SHANK2: variants seen among roughly 807,000 people sequenced by gnomAD.
SHANK2 encodes the protein SH3 and multiple ankyrin repeat domains 2.
Under a neutral mutation model 133.7 loss-of-function variants are expected in SHANK2, and 43 were observed. The observed-to-expected ratio is 0.32, with a 90% confidence interval of 0.25 to 0.41. The LOEUF is 0.41. Among genes scored for constraint, SHANK2 ranks in the 10% least tolerant of loss-of-function variants. SHANK2 has a pLI of 1.00. For missense variants in SHANK2, 1,994 were observed against 2,235.8 expected (o/e 0.89, Z 2.18); for synonymous variants, 1,017 against 952.8 (o/e 1.07, Z -1.24).
Position 71,092,639 on chromosome 11 carries a change from T to C in SHANK2, c.745-50A>G, listed in dbSNP as rs1186853263. ...TCGTTATTGGTCTCATGACCCCTTT[T>C]GCAGAGTGAGGTGATCCAGAAAGCA... On this transcript the variant is annotated intron_variant, in intron 7 of 25. Coordinates refer to ENST00000601538, the MANE Select transcript of SHANK2 (RefSeq NM_012309.5). The C allele has an allele frequency of 5.2e-6, 8 of 1,532,722 alleles. No homozygotes were observed. The East Asian group carries it at 9.8e-5, about 19-fold the overall frequency. The allele number at this position is 1,532,722 out of a possible 1,614,324, so 94.9% of individuals were successfully genotyped here. A position where few individuals can be genotyped will look rare whatever the true frequency, so the allele number is the denominator to read the frequency against.
intron 17 of SHANK2, among the ~76,000 whole-genome samples, chr11:70,659,494 G>C (rs1419880362): frequency 6.6e-6 from 1 of 152,162 alleles, no homozygotes; most frequent in Non-Finnish European, 1.5e-5. Context: ...TGCCTATTTA[G>C]TCACAACTAA....
intron 10 of SHANK2, among the ~76,000 whole-genome samples, chr11:70,902,735 T>C (rs1950041325): frequency 6.6e-6 from 1 of 152,202 alleles, no homozygotes; most frequent in Non-Finnish European, 1.5e-5. Context: ...GAAGCAATCA[T>C]ATCTGAGATG....
chr11:71,076,192 C>A (rs1189570153), intron 8 of SHANK2, among the ~76,000 whole-genome samples: 1 of 152,158 alleles, frequency 6.6e-6, no homozygotes, highest in Non-Finnish European at 1.5e-5. Context: ...GACATGGTGG[C>A]CACAACCTTG....
chr11:71,098,048 G>A (rs550847883), intron 6 of SHANK2, among the ~76,000 whole-genome samples: 75 of 151,288 alleles, frequency 5.0e-4, no homozygotes, highest in Non-Finnish European at 9.1e-4. Context: ...GTGCATGTGT[G>A]CATGCCTGTG....
At chr11:70,644,851 C>G (rs868945728) in intron 17 of SHANK2, among the ~76,000 whole-genome samples, 12 of 152,176 alleles carry the variant, frequency 7.9e-5, no homozygotes, top group Non-Finnish European at 1.3e-4. Flanking sequence ...CAGACAAACA[C>G]GTGGAGAAGA....
chr11:70,835,060 C>T (rs184343030), intron 11 of SHANK2, among the ~76,000 whole-genome samples: 1 of 152,258 alleles, frequency 6.6e-6, no homozygotes, highest in East Asian at 1.9e-4. Flanking sequence ...GAGGGGTTCC[C>T]AAGGTATATT....
Position 71,084,282 on chromosome 11 carries a change from T to A in SHANK2, c.912+8140A>T, listed in dbSNP as rs916680505. On this transcript the variant is annotated intron_variant, in intron 8 of 25. Coordinates refer to ENST00000601538, the MANE Select transcript of SHANK2 (RefSeq NM_012309.5). ...CACCGCACCCGGCCCGAATAACAAC[T>A]TTTAAGATAATTTGCAGACAGCCTG... 6.8e-4 allele frequency among the ~76,000 whole-genome samples: 103 copies of A among 152,276 alleles called. 1 individual carries two copies. Among genetic ancestry groups the A allele is most frequent in the Non-Finnish European group, 1.3e-4 (9 of 68,008 alleles).
chr11:70,758,338 G>A (rs889218667), intron 14 of SHANK2, among the ~76,000 whole-genome samples: 11 of 151,936 alleles, frequency 7.2e-5, no homozygotes, highest in African/African-American at 1.9e-4. Flanking sequence ...GCTTTCGCTC[G>A]CCATCCACCA....
intron 17 of SHANK2, among the ~76,000 whole-genome samples, chr11:70,539,491 C>T (rs79157133): frequency 1.7e-4 from 25 of 147,866 alleles, no homozygotes; most frequent in African/African-American, 2.9e-4. Context: ...AAAGCTCACT[C>T]GCCACGCTCA....
intron 17 of SHANK2, among the ~76,000 whole-genome samples, chr11:70,651,160 C>T (rs1477045526): frequency 6.6e-6 from 1 of 152,210 alleles, no homozygotes; most frequent in Non-Finnish European, 1.5e-5. Context: ...CTCTCCAACC[C>T]TGTGTGCTGC....
chr11:70,955,053 C>T (rs941114701), intron 10 of SHANK2, among the ~76,000 whole-genome samples: 4 of 152,226 alleles, frequency 2.6e-5, no homozygotes, highest in African/African-American at 9.6e-5. Flanking sequence ...ACATCAAGGC[C>T]TTCTTTGTCG....
In SHANK2 at chr11:70,490,338, C is replaced by T. The variant is rs782496295; in HGVS notation, c.2489G>A (p.Gly830Glu). The T allele has an allele frequency of 7.4e-6, 12 of 1,614,084 alleles. No homozygotes were observed. Among genetic ancestry groups the T allele is most frequent in the Non-Finnish European group, 1.0e-5 (12 of 1,180,046 alleles). The change falls in exon 23 of 26, where the codon GGG (glycine) becomes GAG (glutamate). Residue 830 changes from glycine (G) to glutamate (E), a missense_variant. Gly to Glu is a moderately conservative substitution (Grantham distance 98). Coordinates refer to ENST00000601538, the MANE Select transcript of SHANK2 (RefSeq NM_012309.5). ...GCCCAGAAACGGGGCTTTTGGGCTC[C>T]CAGGAACAGTGGGCGTCATCACGGC... The part of the protein sequence containing the change: ...GIAVMTPTVP[G>E]SPKAPFLGIP...
chr11:70,779,451 G>A (rs778860393), intron 14 of SHANK2, among the ~76,000 whole-genome samples: 6 of 152,022 alleles, frequency 3.9e-5, no homozygotes, highest in Admixed American at 2.6e-4. Context: ...AGAGTCATTT[G>A]CCTGTATTTT....
At chr11:70,692,294 C>T (rs1229802990) in intron 15 of SHANK2, among the ~76,000 whole-genome samples, 1 of 152,234 alleles carries the variant, frequency 6.6e-6, no homozygotes, top group Non-Finnish European at 1.5e-5. Context: ...CTGCTCACAA[C>T]TCAGCACCCC....
intron 11 of SHANK2, among the ~76,000 whole-genome samples, chr11:70,846,686 G>T (rs1245791498): frequency 6.6e-6 from 1 of 152,172 alleles, no homozygotes; most frequent in South Asian, 2.1e-4. Flanking sequence ...AGAAGGCAGC[G>T]TCATCATCCC....
At chr11:70,548,726 G>A (rs2059727250) in intron 17 of SHANK2, among the ~76,000 whole-genome samples, 1 of 152,244 alleles carries the variant, frequency 6.6e-6, no homozygotes. Flanking sequence ...AACCCCCGGA[G>A]CCTGTGAGCG....
intron 15 of SHANK2, among the ~76,000 whole-genome samples, chr11:70,690,438 T>C (rs1727184470): frequency 6.7e-6 from 1 of 149,440 alleles, no homozygotes; most frequent in African/African-American, 2.5e-5. Context: ...TAAAGAGGAA[T>C]TGGAATACTA....
intron 14 of SHANK2, among the ~76,000 whole-genome samples, chr11:70,736,351 T>G (rs1946402886): frequency 6.6e-6 from 1 of 152,072 alleles, no homozygotes; most frequent in East Asian, 1.9e-4. Flanking sequence ...AACCCACGAG[T>G]GTGACCTGAT....
chr11:70,575,363 C>A (rs11236691), intron 17 of SHANK2, among the ~76,000 whole-genome samples: 93,101 of 151,734 alleles, frequency 0.61, 28,767 homozygotes, highest in South Asian at 0.79. Flanking sequence ...AATACACACA[C>A]AAAAAATCAG....
Sources: allele counts gnomAD v4.1 joint callset (sites outside exome capture counted in the v4.1 genomes callset), GRCh38; gene constraint gnomAD v4.1.1; transcripts MANE v1.5; gene names NCBI Gene and HGNC (gene_info 2026-07-23, HGNC 2026-07-21).